The following CFAP47 variants were observed in gnomAD, a reference collection of about 807,000 sequenced individuals.
CFAP47 encodes cilia and flagella associated protein 47, also known as cilia- and flagella-associated protein 47.
CFAP47 carries 29 observed loss-of-function variants against 148.1 expected under a neutral mutation model. The observed-to-expected ratio is 0.20, with a 90% CI of 0.15 to 0.27. CFAP47 has a LOEUF of 0.27. Ranked by LOEUF, CFAP47 falls within the 10% of genes least tolerant of loss-of-function variation. The pLI is 1.00. For missense variants in CFAP47, 1,872 were observed against 1,697.5 expected (o/e 1.10, Z -1.81); for synonymous variants, 664 against 577.3 (o/e 1.15, Z -2.15).
intron 30 of CFAP47, among the ~76,000 whole-genome samples, chrX:36,092,530 C>A (rs1325247431): frequency 2.7e-5 from 3 of 110,922 alleles, no homozygotes; most frequent in Non-Finnish European, 3.8e-5. Context: ...TAAGTAAGTT[C>A]TTTCTCATTT....
intron 49 of CFAP47, among the ~76,000 whole-genome samples, chrX:36,268,125 A>T (rs1308147120): frequency 1.8e-5 from 2 of 113,435 alleles, no homozygotes; most frequent in African/African-American, 6.4e-5. Context: ...TTCTGCCTTT[A>T]CATAAGATGA....
intron 18 of CFAP47, among the ~76,000 whole-genome samples, 170 bp downstream of exon 18, chrX:35,993,491 T>G (rs1230953000): frequency 8.9e-6 from 1 of 112,237 alleles, no homozygotes; most frequent in Non-Finnish European, 1.9e-5. Context: ...TTTAAAGTTA[T>G]GACATTAAAG....
At chrX:36,317,510 T>C (rs886499385) in intron 56 of CFAP47, among the ~76,000 whole-genome samples, 2 of 108,509 alleles carry the variant, frequency 1.8e-5, no homozygotes. Flanking sequence ...CCTAGGTTCA[T>C]GCCATTCTCC....
intron 33 of CFAP47, among the ~76,000 whole-genome samples, chrX:36,124,201 G>A (rs1938797700): frequency 9.0e-6 from 1 of 111,637 alleles, no homozygotes; most frequent in Non-Finnish European, 1.9e-5. Flanking sequence ...TCTCTTCTCA[G>A]GTGGAGGGAA....
intron 46 of CFAP47, among the ~76,000 whole-genome samples, chrX:36,229,987 C>T (rs1279496145): frequency 9.3e-6 from 1 of 107,648 alleles, no homozygotes; most frequent in Non-Finnish European, 1.9e-5. Context: ...ATATGTGCCA[C>T]ATTTTCTTAA....
chrX:36,290,011 C>A (rs1941177959), intron 51 of CFAP47, among the ~76,000 whole-genome samples: 1 of 110,573 alleles, frequency 9.0e-6, no homozygotes, highest in Non-Finnish European at 1.9e-5. Flanking sequence ...CAGTCTCCCC[C>A]AGTCGTCCCA....
chrX:36,043,532 A>C (rs372117824), intron 25 of CFAP47, among the ~76,000 whole-genome samples: 9 of 113,288 alleles, frequency 7.9e-5, no homozygotes, highest in Non-Finnish European at 1.7e-4. Context: ...GCCCCATGCA[A>C]GTCTGAAACC....
chrX:36,181,382 G>C (rs2146868503), intron 40 of CFAP47, among the ~76,000 whole-genome samples: 1 of 111,123 alleles, frequency 9.0e-6, no homozygotes, highest in East Asian at 2.8e-4. Flanking sequence ...AAATCAAAAA[G>C]AAAATAGAGC....
At chrX:36,164,342 C>G (rs1015696834) in intron 39 of CFAP47, among the ~76,000 whole-genome samples, 4 of 111,344 alleles carry the variant, frequency 3.6e-5, no homozygotes, top group African/African-American at 1.3e-4. Context: ...TACTTTCTGT[C>G]TTTTGGTGCT....
chrX:36,129,466 C>T (rs898025225), intron 33 of CFAP47, among the ~76,000 whole-genome samples: 5 of 110,848 alleles, frequency 4.5e-5, no homozygotes, highest in African/African-American at 1.6e-4. Context: ...TCATGTGACT[C>T]ATAACTATTA....
chrX:36,194,159 G>T (rs985221956), intron 42 of CFAP47, among the ~76,000 whole-genome samples: 17 of 111,403 alleles, frequency 1.5e-4, no homozygotes, highest in African/African-American at 5.2e-4. Flanking sequence ...TTATTATTCT[G>T]CTCACTCTTC....
intron 40 of CFAP47, among the ~76,000 whole-genome samples, chrX:36,180,948 G>T (rs974006897): frequency 2.7e-5 from 3 of 112,159 alleles, no homozygotes; most frequent in African/African-American, 9.7e-5. Flanking sequence ...TTTTACTGAA[G>T]TATTGCTAAA....
chrX:36,303,187 C>T (rs896183603), intron 53 of CFAP47, among the ~76,000 whole-genome samples: 4 of 111,137 alleles, frequency 3.6e-5, no homozygotes, highest in Non-Finnish European at 5.7e-5. Context: ...TCTTCTTCTT[C>T]TTTTTTTCTA....
chrX:36,106,516 C>T (rs778509309), intron 33 of CFAP47, among the ~76,000 whole-genome samples: 1 of 111,962 alleles, frequency 8.9e-6, no homozygotes, highest in Admixed American at 9.5e-5. Context: ...ATAAGGGCTG[C>T]TGTCTGTTTC....
At chrX:36,351,894 GT>G (rs1192630172) in intron 59 of CFAP47, among the ~76,000 whole-genome samples, 1 of 111,457 alleles carries the variant, frequency 9.0e-6, no homozygotes, top group Non-Finnish European at 1.9e-5. Flanking sequence ...TCCATTTTTT[GT>G]TCTTAGTAAC....
intron 8 of CFAP47, among the ~76,000 whole-genome samples, chrX:35,958,254 C>G (rs1051750944): frequency 9.0e-6 from 1 of 111,610 alleles, no homozygotes; most frequent in East Asian, 2.8e-4. Context: ...TATGGATATA[C>G]CACCTTTTGT....
At chrX:36,115,553 C>A (rs966509855) in intron 33 of CFAP47, among the ~76,000 whole-genome samples, 1 of 111,671 alleles carries the variant, frequency 9.0e-6, no homozygotes, top group African/African-American at 3.2e-5. Context: ...GCTAATCAAG[C>A]ACTGGGACCT....
chrX:36,059,421 G>T (rs1937577340), intron 26 of CFAP47, among the ~76,000 whole-genome samples: 2 of 111,869 alleles, frequency 1.8e-5, no homozygotes, highest in Admixed American at 1.9e-4. Context: ...GTAATAGCTA[G>T]TGCCTATGCT....
rs1556017927 is a variant in CFAP47 at position 36,353,702 on chromosome X, GA to G, written c.8851+27del. 8.2e-6 allele frequency: 9 copies of G among 1,094,424 alleles called. No individual in the cohort carries two copies. The East Asian group carries it at 1.7e-4, about 20-fold the overall frequency. The allele number at this position is 1,094,424 out of a possible 1,213,427, so 90.2% of individuals were successfully genotyped here. A position where few individuals can be genotyped will look rare whatever the true frequency, so the allele number is the denominator to read the frequency against. ...CAATGGTAAGAGAACTACGGTTATA[GA>G]AAAAATAAAATGAAAAAAGAAACTT... On this transcript the variant is annotated intron_variant, in intron 60 of 63. Coordinates refer to ENST00000378653, the MANE Select transcript of CFAP47 (RefSeq NM_001304548.2).
Sources: allele counts gnomAD v4.1 joint callset (sites outside exome capture counted in the v4.1 genomes callset), GRCh38; gene constraint gnomAD v4.1.1; transcripts MANE v1.5; gene names NCBI Gene and HGNC (gene_info 2026-07-23, HGNC 2026-07-21).